The following ATP5F1A variants were observed in gnomAD, a reference collection of about 807,000 sequenced individuals.
ATP5F1A encodes ATP synthase F(1) complex subunit alpha, mitochondrial.
A neutral mutation model predicts 57.4 loss-of-function variants in ATP5F1A; 24 were observed. The ratio of observed to expected loss-of-function variants is 0.42; its 90% CI spans 0.30 to 0.59. The LOEUF (loss-of-function observed/expected upper bound fraction) is 0.59. Ranked by LOEUF, ATP5F1A falls within the 20% of genes least tolerant of loss-of-function variation. The pLI, the probability that ATP5F1A is intolerant of heterozygous loss-of-function variation, is 0.19. For missense variants in ATP5F1A, 494 were observed against 707.9 expected, an observed-to-expected ratio of 0.70 and a Z score of 3.43; for synonymous variants, 251 against 255.5, an observed-to-expected ratio of 0.98 and a Z score of 0.17.
At chr18:46,091,910 C>T in intron 2 of ATP5F1A, 59 bp from the exon 3 acceptor site, 1 of 1,519,424 alleles carries the variant, frequency 6.6e-7, no homozygotes, top group Middle Eastern at 2.1e-4. Flanking sequence ...CAGTGGCTCA[C>T]AGCTGTAATC....
chr18:46,087,835 G>C, intron 6 of ATP5F1A: 1 of 458,710 alleles, frequency 2.2e-6, no homozygotes. Flanking sequence ...AGCTGAGATC[G>C]TGCCATCGCA....
Position 46,095,145 on chromosome 18 carries a change from A to G in ATP5F1A, c.61-14T>C. 1 of 1,607,456 alleles carries G rather than the reference A, an allele frequency of 6.2e-7. No individual in the cohort carries two copies. Among genetic ancestry groups the G allele is most frequent in the Non-Finnish European group, 8.5e-7 (1 of 1,178,184 alleles). ...ATTTCTGGAGACCTAGTGCAAAAGT[A>G]TTCTTAAAAATTTGATTTTTAACAA... On this transcript the variant is annotated splice_polypyrimidine_tract_variant and intron_variant, in intron 1 of 11. Transcript: ENST00000398752.
upstream of ATP5F1A, among the ~76,000 whole-genome samples, chr18:46,103,044 G>A (rs372826428): frequency 6.6e-6 from 1 of 152,182 alleles, no homozygotes; most frequent in South Asian, 2.1e-4. Flanking sequence ...GCTCACACCT[G>A]TAATCCTAGC....
upstream of ATP5F1A, among the ~76,000 whole-genome samples, chr18:46,102,373 G>C (rs1261228118): frequency 6.6e-6 from 1 of 151,886 alleles, no homozygotes; most frequent in Non-Finnish European, 1.5e-5. Flanking sequence ...GCCCAGGCTG[G>C]AGTGCAGTGT....
chr18:46,095,041 A>G lies in ATP5F1A; in HGVS notation c.139+12T>C. 6.2e-7 allele frequency: 1 copy of G among 1,607,812 alleles called. No homozygotes were observed. Among genetic ancestry groups the G allele is most frequent in the African/African-American group, 1.3e-5 (1 of 74,706 alleles). ...TAGTAAGTGCGGCGTAGACTGAGAA[A>G]TAATAACTTACCAGTCTTTTGAAGA... On this transcript the variant is annotated intron_variant, in intron 2 of 11. Coordinates refer to ENST00000398752, the MANE Select transcript of ATP5F1A (RefSeq NM_004046.6).
intron 10 of ATP5F1A, 107 bp downstream of exon 10, chr18:46,086,006 G>A: frequency 1.6e-6 from 2 of 1,217,654 alleles, no homozygotes; most frequent in South Asian, 1.8e-5. Context: ...AAAGATAACA[G>A]ATAACAACAC....
chr18:46,084,408 G>A (rs763855531), intron 11 of ATP5F1A, 45 bp from the exon 12 acceptor site: 3 of 1,594,288 alleles, frequency 1.9e-6, no homozygotes, highest in African/African-American at 2.7e-5. Flanking sequence ...CCTGGAAAAA[G>A]TTTTAATGAC....
chr18:46,089,926 T>C lies in ATP5F1A; in HGVS notation c.380A>G (p.Glu127Gly). 1 of 1,613,674 alleles carries C rather than the reference T, an allele frequency of 6.2e-7. No homozygotes were observed. The highest frequency in any genetic ancestry group is 8.5e-7 in the Non-Finnish European group (1 of 1,179,882). ...TCCTGTCCTCTTCACTATATCTCCTTCCTTAATTAGTTTATCATTTCCAAA... is the reference window on the plus strand; with the variant it reads ...TCCTGTCCTCTTCACTATATCTCCTCCCTTAATTAGTTTATCATTTCCAAA... ...VVFGNDKLIK[E>G]GDIVKRTGAI... Residue 127 changes from glutamate (E) to glycine (G), a missense_variant, in exon 4 of 12, where the codon GAA becomes GGA. By Grantham distance (98) the Glu-to-Gly change is moderately conservative. This residue lies in a region of ATP5F1A where 191 missense variants were observed against 267.7 expected (regional missense o/e 0.71). Coordinates refer to ENST00000398752, the MANE Select transcript of ATP5F1A (RefSeq NM_004046.6).
At chr18:46,101,853 T>C (rs4890623), upstream of ATP5F1A, among the ~76,000 whole-genome samples, 35,613 of 146,778 alleles carry the variant, frequency 0.24, 5,919 homozygotes, top group African/African-American at 0.46. Context: ...GCACTCCAGC[T>C]TGGGCAACAC....
intron 2 of ATP5F1A, chr18:46,093,163 A>G (rs1315441122): frequency 6.6e-6 from 1 of 152,206 alleles, no homozygotes; most frequent in Non-Finnish European, 1.5e-5. Context: ...AATAAAAAAT[A>G]AAAAATAAAA....
rs759746213 is a variant in ATP5F1A at position 46,086,029 on chromosome 18, G to A, written c.1429+84C>T. The A allele has an allele frequency of 4.3e-4, 614 of 1,436,598 alleles. 1 individual carries two copies. The highest frequency in any genetic ancestry group is 5.2e-4 in the Non-Finnish European group (548 of 1,054,408). The allele number at this position is 1,436,598 out of a possible 1,614,324, so 89.0% of individuals were successfully genotyped here. ...CAGATAACAACACGTAGTACAGGCC[G>A]TGATATGTGATGCAGCTCTGTAGGC... On this transcript the variant is annotated intron_variant, in intron 10 of 11. Transcript: ENST00000398752.
At chr18:46,092,047 T>C (rs1008983080) in intron 2 of ATP5F1A, 196 bp from the exon 3 acceptor site, 8 of 390,558 alleles carry the variant, frequency 2.0e-5, no homozygotes, top group Non-Finnish European at 2.7e-5. Context: ...GGCACATGCC[T>C]GTAATCCCAG....
At chr18:46,096,734 C>A (rs183051496) in intron 1 of ATP5F1A, among the ~76,000 whole-genome samples, 1 of 151,432 alleles carries the variant, frequency 6.6e-6, no homozygotes, top group Admixed American at 6.6e-5. Flanking sequence ...GTAATCCCAG[C>A]ACTTCAGAAG....
In ATP5F1A at chr18:46,088,123, C is replaced by G; in HGVS notation, c.785G>C (p.Arg262Thr). 2 of 1,596,710 alleles carry G rather than the reference C, an allele frequency of 1.3e-6. No homozygotes were observed. Among genetic ancestry groups the G allele is most frequent in the Non-Finnish European group, 1.7e-6 (2 of 1,176,638 alleles). The change falls in exon 6 of 12, where the codon AGA becomes ACA. Residue 262 changes from arginine to threonine, a missense_variant. Physicochemically the swap from Arg to Thr is moderately conservative, Grantham distance 71. This residue lies in a region of ATP5F1A where 191 missense variants were observed against 267.7 expected (regional missense o/e 0.71). Transcript: ENST00000398752. ...TCTTTTAATACCTGCATCTGTAAGTCTCTTCACCAACTGGGCAACAGTGGA... is the reference window on the plus strand; with the variant it reads ...TCTTTTAATACCTGCATCTGTAAGTGTCTTCACCAACTGGGCAACAGTGGA... ...KRSTVAQLVK[R>T]LTDADAMKYT... is the part of the protein sequence containing the mutation.
chr18:46,104,160 T>C (rs1423009302), exon 1 of ATP5F1A: 1 of 397,738 alleles, frequency 2.5e-6, no homozygotes, highest in Non-Finnish European at 4.5e-6. Flanking sequence ...GCTCTATCTC[T>C]CGTAGTGTTG....
At chr18:46,087,902 T>C in intron 6 of ATP5F1A, 1 of 570,204 alleles carries the variant, frequency 1.8e-6, no homozygotes, top group Non-Finnish European at 3.0e-6. Context: ...AAAGAGTTAA[T>C]CAGAATCAAA....
upstream of ATP5F1A, among the ~76,000 whole-genome samples, chr18:46,099,624 G>A (rs1599796751): frequency 6.6e-6 from 1 of 151,946 alleles, no homozygotes; most frequent in East Asian, 1.9e-4. Context: ...TTGTAAAGAC[G>A]GCGGTGGTGG....
upstream of ATP5F1A, chr18:46,098,367 CTCT>C (rs201970480): frequency 0.045 from 53,113 of 1,191,598 alleles, 301 homozygotes; most frequent in Middle Eastern, 0.063. Context: ...CGTTCACCAC[CTCT>C]CCCCCCGCCC....
chr18:46,086,013 A>C, intron 10 of ATP5F1A, 100 bp downstream of exon 10: 1 of 1,269,728 alleles, frequency 7.9e-7, no homozygotes, highest in South Asian at 1.6e-5. Flanking sequence ...ACAGATAACA[A>C]CACGTAGTAC....
Sources: gnomAD v4.1 joint callset for allele counts (sites outside exome capture counted in the v4.1 genomes callset) on GRCh38, gnomAD v4.1.1 for gene constraint, gnomAD v4.1.1 regional missense constraint, MANE v1.5 for transcripts, NCBI Gene and HGNC (gene_info 2026-07-23, HGNC 2026-07-21) for gene names.